The following ZNF93 variants were observed in gnomAD, a reference collection of about 807,000 sequenced individuals.
ZNF93 encodes zinc finger protein 505.
A neutral mutation model predicts 45.0 loss-of-function variants in ZNF93; 29 were observed. That is an observed-to-expected ratio of 0.64 (90% CI 0.48 to 0.88). ZNF93 has a LOEUF of 0.88. Among genes scored for constraint, ZNF93 ranks in the 40% least tolerant of loss-of-function variants. The probability of loss-of-function intolerance (pLI) is 0.00; values close to 1 mark genes in which losing one functional copy is unlikely to be tolerated. For synonymous variants in ZNF93, 223 were observed against 244.6 expected, an observed-to-expected ratio of 0.91 and a Z score of 0.82; for missense variants, 578 against 724.0, an observed-to-expected ratio of 0.80 and a Z score of 2.31.
In ZNF93 at chr19:19,933,376, C is replaced by G. The variant is rs1224512883; in HGVS notation, c.421C>G (p.Gln141Glu). ...NGLNQCSTTT[Q>E]SKVFQCDKYG... ...ACTTAACCAGTGTAGTACAACTACC[C>G]AGAGCAAAGTATTTCAATGTGATAA... Residue 141 changes from glutamine to glutamate, a missense_variant, in exon 4 of 4, where the codon CAG (glutamine) becomes GAG (glutamate). Gln to Glu is a conservative substitution (Grantham distance 29). This residue lies in a region of ZNF93 where 446 missense variants were observed against 547.6 expected (regional missense o/e 0.81). Transcript: ENST00000343769. 6.2e-7 allele frequency: 1 copy of G among 1,604,038 alleles called. No homozygotes were observed. Among genetic ancestry groups the G allele is most frequent in the East Asian group, 2.2e-5 (1 of 44,782 alleles).
chr19:19,927,229 T>A (rs2063358985), intron 3 of ZNF93: 6 of 398,340 alleles, frequency 1.5e-5, no homozygotes, highest in Non-Finnish European at 2.7e-5. Flanking sequence ...GACCCCTCTC[T>A]ATGAAAAAAA....
rs562598429 is a variant in ZNF93, at chr19:19,911,313, A to G, written c.4-3967A>G. Among the ~76,000 whole-genome samples, 7 of 152,300 alleles carry G rather than the reference A, an allele frequency of 4.6e-5. No homozygotes were observed. The East Asian group carries it at 1.4e-3, about 29-fold the overall frequency. On this transcript the variant is annotated intron_variant, in intron 1 of 3. Transcript: ENST00000343769. ...CACCCAGGTGTCTTTGAGGCATTTGAGGATGTCCAGAGCAGAATTTTGTCA... is the reference window on the plus strand; with the variant it reads ...CACCCAGGTGTCTTTGAGGCATTTGGGGATGTCCAGAGCAGAATTTTGTCA...
At chr19:19,930,931 G>C (rs1391640352) in intron 3 of ZNF93, among the ~76,000 whole-genome samples, 1 of 151,754 alleles carries the variant, frequency 6.6e-6, no homozygotes, top group Non-Finnish European at 1.5e-5. Context: ...TTTTTGTCTT[G>C]TAGAAGTACT....
chr19:19,914,459 G>C (rs1386669703), intron 1 of ZNF93, among the ~76,000 whole-genome samples: 1 of 152,110 alleles, frequency 6.6e-6, no homozygotes, highest in Non-Finnish European at 1.5e-5. Context: ...TACGTTATTT[G>C]GGAGGAATAT....
chr19:19,924,799 A>G (rs1466268205), intron 3 of ZNF93, among the ~76,000 whole-genome samples: 1 of 151,938 alleles, frequency 6.6e-6, no homozygotes, highest in African/African-American at 2.4e-5. Context: ...CATATTGGTC[A>G]GGCTGGTCTC....
At chr19:19,902,866 AGCTGG>A (rs1238801176) in intron 1 of ZNF93, among the ~76,000 whole-genome samples, 2 of 151,178 alleles carry the variant, frequency 1.3e-5, no homozygotes, top group Non-Finnish European at 2.9e-5. Context: ...CCTCCCGAGT[AGCTGG>A]GACTACAGGC....
Position 19,915,383 on chromosome 19 carries a change from A to G in ZNF93, c.107A>G (p.Asn36Ser). 1 of 1,613,922 alleles carries G rather than the reference A, an allele frequency of 6.2e-7. No homozygotes were observed. Among genetic ancestry groups the G allele is most frequent in the Admixed American group, 1.7e-5 (1 of 60,000 alleles). The stretch of plus-strand genomic sequence containing the variant: ...CTATATAGGAATGTGATGTTAGAGA[A>G]CTACAGTAACCTGGTCTTCCTTGGT... Reference protein sequence around the residue: ...RNLYRNVMLENYSNLVFLGIV... With the variant: ...RNLYRNVMLESYSNLVFLGIV... The change falls in exon 2 of 4, where the codon AAC (asparagine) becomes AGC (serine). Residue 36 changes from asparagine (N) to serine (S), a missense_variant. By Grantham distance (46) the Asn-to-Ser change is conservative. Around this residue, in one of 3 missense-constraint regions of ZNF93, gnomAD observed 446 missense variants for 547.6 expected, o/e 0.81. Transcript: ENST00000343769.
intron 3 of ZNF93, among the ~76,000 whole-genome samples, chr19:19,930,837 A>G (rs904526492): frequency 6.6e-6 from 1 of 152,154 alleles, no homozygotes; most frequent in Non-Finnish European, 1.5e-5. Flanking sequence ...TTCTTATCTT[A>G]TATTTTATTA....
chr19:19,929,066 GGTACATCCTCTC>G (rs2063364509), intron 3 of ZNF93, among the ~76,000 whole-genome samples: 1 of 152,074 alleles, frequency 6.6e-6, no homozygotes, highest in South Asian at 2.1e-4. Context: ...TGAATGGCTT[GGTACATCCTCTC>G]GGTAACCAAA....
At chr19:19,924,252 T>A (rs1417643848) in intron 3 of ZNF93, among the ~76,000 whole-genome samples, 4 of 152,106 alleles carry the variant, frequency 2.6e-5, no homozygotes, top group Admixed American at 2.0e-4. Flanking sequence ...AATGCCTGGC[T>A]AATTTTTTGT....
chr19:19,924,157 G>A (rs986121970), intron 3 of ZNF93, among the ~76,000 whole-genome samples: 9 of 151,912 alleles, frequency 5.9e-5, no homozygotes, highest in Admixed American at 1.3e-4. Flanking sequence ...GCATGATTTC[G>A]GCTCACTGCA....
chr19:19,933,782 A>G lies in ZNF93; in HGVS notation c.827A>G (p.Lys276Arg), dbSNP rs765072816. 1 of 1,613,076 alleles carries G rather than the reference A, an allele frequency of 6.2e-7. No individual in the cohort carries two copies. The highest frequency in any genetic ancestry group is 2.2e-5 in the East Asian group (1 of 44,844). The change falls in exon 4 of 4, where the codon AAG becomes AGG. Residue 276 changes from lysine to arginine, a missense_variant. Lys to Arg is a conservative substitution (Grantham distance 26). This residue lies in a region of ZNF93 where 446 missense variants were observed against 547.6 expected (regional missense o/e 0.81). Transcript: ENST00000343769. ...FNQSSTLTKHKKIHTGEKPYK... is the reference protein window; with the variant it reads ...FNQSSTLTKHRKIHTGEKPYK... ...CAATCCTCGACACTTACTAAACATA[A>G]GAAAATTCATACTGGAGAGAAACCC...
chr19:19,922,720 T>G (rs935800676), intron 3 of ZNF93, among the ~76,000 whole-genome samples: 15 of 152,258 alleles, frequency 9.9e-5, no homozygotes, highest in African/African-American at 3.6e-4. Context: ...TTTCTTCCAG[T>G]TGATCAAATC....
chr19:19,901,230 T>C, intron 1 of ZNF93, 139 bp downstream of exon 1: 3 of 1,412,148 alleles, frequency 2.1e-6, no homozygotes, highest in Non-Finnish European at 3.0e-6. Flanking sequence ...TCGGCCTCGG[T>C]TCCCTTCAGC....
rs777246087 is a variant in ZNF93 at position 19,934,675 on chromosome 19, T to G, written c.1720T>G (p.Phe574Val). The change falls in exon 4 of 4, where the codon TTT (phenylalanine) becomes GTT (valine). Residue 574 changes from phenylalanine (F) to valine (V), a missense_variant. Phe to Val is a conservative substitution (Grantham distance 50, BLOSUM62 -1). Coordinates refer to ENST00000343769, the MANE Select transcript of ZNF93 (RefSeq NM_031218.4). ...TAGATGTAGAGAATGTGGCAAAGCTTTTAACCATTCTGCAACCCTTTCTTC... is the reference window on the plus strand; with the variant it reads ...TAGATGTAGAGAATGTGGCAAAGCTGTTAACCATTCTGCAACCCTTTCTTC... Reference protein sequence around the residue: ...PYRCRECGKAFNHSATLSSHK... With the variant: ...PYRCRECGKAVNHSATLSSHK... 6.2e-7 allele frequency: 1 copy of G among 1,613,770 alleles called. No homozygotes were observed. Among genetic ancestry groups the G allele is most frequent in the South Asian group, 1.1e-5 (1 of 91,052 alleles).
intron 1 of ZNF93, 137 bp downstream of exon 1, chr19:19,901,228 G>T (rs1464021686): frequency 7.0e-7 from 1 of 1,432,856 alleles, no homozygotes; most frequent in African/African-American, 1.4e-5. Context: ...GCTCGGCCTC[G>T]GTTCCCTTCA....
intron 1 of ZNF93, among the ~76,000 whole-genome samples, chr19:19,903,656 C>T (rs2063283532): frequency 6.6e-6 from 1 of 152,026 alleles, no homozygotes; most frequent in Non-Finnish European, 1.5e-5. Context: ...TTCCCAGCTA[C>T]TCAGGAGGCT....
intron 3 of ZNF93, among the ~76,000 whole-genome samples, chr19:19,922,077 G>A (rs1000053983): frequency 2.0e-5 from 3 of 152,172 alleles, no homozygotes; most frequent in East Asian, 1.9e-4. Context: ...TGCAGTGGCT[G>A]GTACCAGTTG....
rs765486093 is a variant in ZNF93 at position 19,933,505 on chromosome 19, C to T, written c.550C>T (p.Gln184Ter). 1 of 1,606,690 alleles carries T rather than the reference C, an allele frequency of 6.2e-7. No individual in the cohort carries two copies. Among genetic ancestry groups the T allele is most frequent in the East Asian group, 2.2e-5 (1 of 44,802 alleles). Residue 184 changes from glutamine (Q) to a stop codon, truncating the protein, a stop_gained, in exon 4 of 4, where the codon CAG becomes TAG. Coordinates refer to ENST00000343769, the MANE Select transcript of ZNF93 (RefSeq NM_031218.4). LOFTEE classifies it high-confidence loss of function. ...KCIECGKAFN[Q>*]FSTLITHKKI... ...CATAGAATGTGGCAAAGCTTTTAAC[C>T]AGTTCTCAACCCTTATAACACATAA...
Sources: gnomAD v4.1 joint callset for allele counts (sites outside exome capture counted in the v4.1 genomes callset) on GRCh38, gnomAD v4.1.1 for gene constraint, gnomAD v4.1.1 regional missense constraint, MANE v1.5 for transcripts, NCBI Gene and HGNC (gene_info 2026-07-23, HGNC 2026-07-21) for gene names.